The following CLVS1 variants were observed in gnomAD, a reference collection of about 807,000 sequenced individuals.
CLVS1 encodes the protein clavesin 1, also known as clavesin-1.
A neutral mutation model predicts 33.1 loss-of-function variants in CLVS1; 10 were observed. The observed-to-expected ratio is 0.30, with a 90% CI of 0.19 to 0.51. The LOEUF is 0.51. Among genes scored for constraint, CLVS1 ranks in the 20% least tolerant of loss-of-function variants. The pLI is 0.97. For synonymous variants in CLVS1, 163 were observed against 166.1 expected, an observed-to-expected ratio of 0.98 and a Z score of 0.14; for missense variants, 343 against 433.4, an observed-to-expected ratio of 0.79 and a Z score of 1.85.
chr8:61,254,093 A>G (rs575558045), intron 2 of CLVS1, among the ~76,000 whole-genome samples: 122 of 152,100 alleles, frequency 8.0e-4, no homozygotes, highest in African/African-American at 2.7e-3. Flanking sequence ...TACAGATGGG[A>G]TTTTGGTGTG....
intron 5 of CLVS1, among the ~76,000 whole-genome samples, chr8:61,492,007 C>T (rs1257424371): frequency 6.6e-6 from 1 of 152,156 alleles, no homozygotes. Flanking sequence ...TGAGCTAATA[C>T]ATGGAAAGGG....
At chr8:61,473,341 TAA>T (rs58281654) in intron 5 of CLVS1, among the ~76,000 whole-genome samples, 8,378 of 96,270 alleles carry the variant, frequency 0.087, 277 homozygotes, top group African/African-American at 0.13. Flanking sequence ...TCACGGAATT[TAA>T]AAAAAAAAAA....
chr8:61,450,986 G>A (rs535624935), intron 3 of CLVS1, among the ~76,000 whole-genome samples: 1 of 152,234 alleles, frequency 6.6e-6, no homozygotes, highest in South Asian at 2.1e-4. Flanking sequence ...ATTCTTCCAT[G>A]TGGTTTTCCT....
At chr8:61,243,157 C>T (rs1808732535) in intron 2 of CLVS1, among the ~76,000 whole-genome samples, 1 of 152,132 alleles carries the variant, frequency 6.6e-6, no homozygotes, top group Admixed American at 6.5e-5. Flanking sequence ...ACTTATATGG[C>T]AAATTTTCTC....
chr8:61,177,303 C>A (rs1264894652), intron 2 of CLVS1, among the ~76,000 whole-genome samples: 24 of 152,288 alleles, frequency 1.6e-4, no homozygotes, highest in Non-Finnish European at 1.5e-5. Context: ...TCAACTGCAG[C>A]CAGGGGCTCA....
intron 3 of CLVS1, among the ~76,000 whole-genome samples, chr8:61,434,550 C>T (rs1346294077): frequency 6.6e-6 from 1 of 152,150 alleles, no homozygotes; most frequent in Non-Finnish European, 1.5e-5. Context: ...CAATCAAATA[C>T]ATTTAAGAAA....
At chr8:60,967,906 A>G in the CLVS1 span, 11 of 313,698 alleles carry the variant, frequency 3.5e-5, no homozygotes, top group Middle Eastern at 1.1e-3. Context: ...AATTCTCCAC[A>G]CACCCGTGGA....
chr8:61,259,404 C>T (rs530597312), intron 2 of CLVS1, among the ~76,000 whole-genome samples: 1 of 152,136 alleles, frequency 6.6e-6, no homozygotes, highest in Admixed American at 6.5e-5. Flanking sequence ...TAGAAATTCC[C>T]AAAACACAGC....
At chr8:61,188,092 G>C (rs2931312) in intron 2 of CLVS1, among the ~76,000 whole-genome samples, 53,388 of 151,894 alleles carry the variant, frequency 0.35, 11,789 homozygotes, top group Middle Eastern at 0.57. Flanking sequence ...AGTAAAACCA[G>C]ACTTGCATTA....
the CLVS1 span, among the ~76,000 whole-genome samples, chr8:61,035,588 GA>G: frequency 6.6e-6 from 1 of 152,116 alleles, no homozygotes; most frequent in Non-Finnish European, 1.5e-5. Flanking sequence ...TCAGAGAGGG[GA>G]AAAAGGAAGC....
At chr8:61,175,025 A>G (rs1807088370) in intron 2 of CLVS1, among the ~76,000 whole-genome samples, 1 of 144,374 alleles carries the variant, frequency 6.9e-6, no homozygotes, top group Non-Finnish European at 1.5e-5. Context: ...TCTGGCTTGC[A>G]AGTCCTAGGA....
intron 2 of CLVS1, among the ~76,000 whole-genome samples, chr8:61,228,324 C>A (rs1808371232): frequency 6.6e-6 from 1 of 152,142 alleles, no homozygotes; most frequent in Non-Finnish European, 1.5e-5. Context: ...GTGTTGAGAA[C>A]ACTTAAAATC....
At chr8:61,040,743 T>C in the CLVS1 span, among the ~76,000 whole-genome samples, 2 of 152,236 alleles carry the variant, frequency 1.3e-5, no homozygotes, top group African/African-American at 4.8e-5. Flanking sequence ...CTTTGTTGCA[T>C]GCAGAGTTTG....
chr8:61,174,449 A>G (rs1387043624), intron 2 of CLVS1, among the ~76,000 whole-genome samples: 2 of 109,452 alleles, frequency 1.8e-5, no homozygotes, highest in Non-Finnish European at 4.3e-5. Flanking sequence ...ACAAACAAAC[A>G]AACAAACAAA....
intron 2 of CLVS1, among the ~76,000 whole-genome samples, chr8:61,185,232 C>T (rs1299562708): frequency 6.6e-6 from 1 of 151,824 alleles, no homozygotes; most frequent in African/African-American, 2.4e-5. Context: ...AGCGTTGACC[C>T]CTGGGCTCAA....
intron 2 of CLVS1, among the ~76,000 whole-genome samples, chr8:61,155,608 A>G (rs1806633114): frequency 6.6e-6 from 1 of 152,092 alleles, no homozygotes; most frequent in South Asian, 2.1e-4. Flanking sequence ...ACGGTACTTA[A>G]CCCCAAAATA....
intron 2 of CLVS1, among the ~76,000 whole-genome samples, chr8:61,201,104 A>G (rs1050893833): frequency 1.3e-5 from 2 of 152,208 alleles, no homozygotes; most frequent in African/African-American, 4.8e-5. Flanking sequence ...ACACAAAGCA[A>G]TTCCAGCAGA....
intron 1 of CLVS1, among the ~76,000 whole-genome samples, chr8:61,091,275 C>G (rs183013695): frequency 1.3e-5 from 2 of 152,152 alleles, no homozygotes; most frequent in East Asian, 3.8e-4. Context: ...AACAGATTTC[C>G]CCCAGGGCCT....
At chr8:61,021,343 T>C in the CLVS1 span, among the ~76,000 whole-genome samples, 1 of 151,874 alleles carries the variant, frequency 6.6e-6, no homozygotes, top group South Asian at 2.1e-4. Context: ...CACGGTTGTG[T>C]TTTGTTTGTT....
Sources: allele counts gnomAD v4.1 joint callset (sites outside exome capture counted in the v4.1 genomes callset), GRCh38; gene constraint gnomAD v4.1.1; transcripts MANE v1.5; gene names NCBI Gene and HGNC (gene_info 2026-07-23, HGNC 2026-07-21).